COL6A5: variants seen among roughly 807,000 people sequenced by gnomAD.
COL6A5 encodes collagen type VI alpha 5 chain, also known as collagen alpha-5(VI) chain.
COL6A5 carries 48 observed loss-of-function variants against 65.6 expected under a neutral mutation model. The observed-to-expected ratio is 0.73, with a 90% CI of 0.58 to 0.93. COL6A5 has a LOEUF of 0.93. Ranked by LOEUF, COL6A5 falls within the 40% of genes least tolerant of loss-of-function variation. The pLI, the probability that COL6A5 is intolerant of heterozygous loss-of-function variation, is 0.00. For missense variants in COL6A5, 914 were observed against 928.3 expected (o/e 0.98, Z 0.20); for synonymous variants, 291 against 322.8 (o/e 0.90, Z 1.05).
intron 4 of COL6A5, among the ~76,000 whole-genome samples, chr3:130,453,391 G>A (rs1273731628): frequency 6.6e-6 from 1 of 152,114 alleles, no homozygotes; most frequent in Non-Finnish European, 1.5e-5. Flanking sequence ...TGGGGTCCCT[G>A]ACTTCCCGCA....
chr3:130,397,872 C>T (rs371625934), exon 9 of COL6A5: 9 of 1,551,584 alleles, frequency 5.8e-6, no homozygotes, highest in East Asian at 2.4e-5. Context: ...ACGCACAGTT[C>T]TTGCGGTCTC....
intron 7 of COL6A5, chr3:130,477,405 G>T (rs188263018): frequency 1.4e-5 from 3 of 213,550 alleles, no homozygotes; most frequent in Admixed American, 5.7e-5. Flanking sequence ...CTTTTCACCT[G>T]TCCATTTGTT....
At chr3:130,444,127 C>T (rs2107706333) in intron 4 of COL6A5, among the ~76,000 whole-genome samples, 1 of 152,270 alleles carries the variant, frequency 6.6e-6, no homozygotes, top group Non-Finnish European at 1.5e-5. Flanking sequence ...TGTTTTCCAC[C>T]CGGCTCACCA....
exon 8 of COL6A5, chr3:130,394,892 T>C (rs753714383): frequency 1.1e-4 from 169 of 1,545,630 alleles, no homozygotes; most frequent in Non-Finnish European, 1.4e-4. Flanking sequence ...TATTGCAGTC[T>C]GTCATCTTCA....
chr3:130,431,253 A>G, upstream of COL6A5: 1 of 696,604 alleles, frequency 1.4e-6, no homozygotes, highest in Non-Finnish European at 2.6e-6. Flanking sequence ...AGCATTATAT[A>G]GCCAAATATT....
intron 12 of COL6A5, among the ~76,000 whole-genome samples, chr3:130,402,902 C>A (rs921080389): frequency 3.3e-5 from 5 of 152,172 alleles, no homozygotes; most frequent in African/African-American, 1.2e-4. Flanking sequence ...AATACTTGCT[C>A]ATGAGTTCTG....
chr3:130,411,563 T>G (rs1324183784), intron 20 of COL6A5, among the ~76,000 whole-genome samples: 1 of 152,154 alleles, frequency 6.6e-6, no homozygotes, highest in Non-Finnish European at 1.5e-5. Context: ...CTGGTAAAAT[T>G]CTTTGGGACT....
rs544626191 is a variant in COL6A5, at chr3:130,422,173, G to A, written c.5038-547G>A. On this transcript the variant is annotated intron_variant and NMD_transcript_variant, in intron 27 of 41. Transcript: ENST00000312481. ...AAGAGATTCTTAAGTACAAAAGGGT[G>A]CAAAAGGGACAATATAAATCACCAT... is the stretch of plus-strand genomic sequence containing the variant. Among the ~76,000 whole-genome samples, 21 of 152,144 alleles carry A rather than the reference G, an allele frequency of 1.4e-4. No homozygotes were observed. The South Asian group carries it at 4.1e-3, about 30-fold the overall frequency.
intron 7 of COL6A5, among the ~76,000 whole-genome samples, chr3:130,483,079 G>C (rs3104297): frequency 0.75 from 113,834 of 152,002 alleles, 44,746 homozygotes; most frequent in Non-Finnish European, 0.88. Context: ...ATTCAACATT[G>C]TTAAAGAAAA....
In COL6A5 at chr3:130,408,613, C is replaced by T. The variant is rs538936405; in HGVS notation, c.4480-713C>T. On this transcript the variant is annotated intron_variant and NMD_transcript_variant, in intron 17 of 41. Transcript: ENST00000312481. ...AGCATATGATCTCTGTGACCCACTC[C>T]CTATTCGTACACCACTCCCCTTTTG... Among the ~76,000 whole-genome samples the T allele has an allele frequency of 4.7e-4, 71 of 152,158 alleles. 1 individual carries two copies. The highest frequency in any genetic ancestry group is 3.4e-3 in the Middle Eastern group (1 of 294).
chr3:130,455,671 G>A lies in COL6A5; in HGVS notation c.1544+5G>A, dbSNP rs774033695. 6.3e-7 allele frequency: 1 copy of A among 1,594,690 alleles called. No individual in the cohort carries two copies. Among genetic ancestry groups the A allele is most frequent in the South Asian group, 1.1e-5 (1 of 90,446 alleles). ...AAATTGCAAGTCTCACTTCTGGTAA[G>A]AAAATGAAAAGTCATGATGGAAATG... On this transcript the variant is annotated splice_donor_5th_base_variant and intron_variant, in intron 5 of 7. Transcript: ENST00000512836.
At chr3:130,369,163 A>G (rs1269435972) in intron 1 of COL6A5, among the ~76,000 whole-genome samples, 1 of 152,182 alleles carries the variant, frequency 6.6e-6, no homozygotes, top group Non-Finnish European at 1.5e-5. Flanking sequence ...AGTGTAGAGG[A>G]CAGAGGGGAG....
rs1419697297 is a variant in COL6A5, at chr3:130,414,094, C to T, written c.4724C>T (p.Thr1575Ile). 1 of 1,550,872 alleles carries T rather than the reference C, an allele frequency of 6.4e-7. No individual in the cohort carries two copies. The highest frequency in any genetic ancestry group is 2.0e-5 in the Admixed American group (1 of 50,990). Residue 1575 changes from threonine to isoleucine, a missense_variant and NMD_transcript_variant, in exon 22 of 42, where the codon ACA becomes ATA. Coordinates refer to the COL6A5 transcript ENST00000312481. The stretch of plus-strand genomic sequence containing the variant: ...GGAGAACCAGGAAATCCTGGACCTA[C>T]AGGCACATTGGGAGCTGAAGGATTA...
intron 11 of COL6A5, among the ~76,000 whole-genome samples, chr3:130,401,399 A>G (rs1170572282): frequency 6.6e-6 from 1 of 152,242 alleles, no homozygotes; most frequent in African/African-American, 2.4e-5. Context: ...TAAAAAACCA[A>G]CCAACTCATA....
intron 23 of COL6A5, 56 bp from the exon 24 acceptor site, chr3:130,416,700 TG>T: frequency 1.0e-6 from 1 of 964,464 alleles, no homozygotes; most frequent in Non-Finnish European, 1.6e-6. Flanking sequence ...ATGTTTCTAA[TG>T]GGCTTTCTAA....
Position 130,471,666 on chromosome 3 carries a change from T to C in COL6A5, c.2328+699T>C, listed in dbSNP as rs1215306835. The C allele has an allele frequency of 2.0e-6, 3 of 1,531,344 alleles. No homozygotes were observed. In the African/African-American group the frequency reaches 4.1e-5, roughly 21 times the overall value. 94.9% of individuals were successfully genotyped at this position (1,531,344 alleles called of 1,614,324 possible). A position where few individuals can be genotyped will look rare whatever the true frequency, so the allele number is the denominator to read the frequency against. ...TTGGCTAACTAATTTTTTATCTCTC[T>C]TCTCTATTACCTCAGACTTCTTCCT... is the stretch of plus-strand genomic sequence containing the variant. On this transcript the variant is annotated intron_variant, in intron 7 of 7. Coordinates refer to ENST00000512836, the Ensembl canonical transcript of COL6A5.
In COL6A5 at chr3:130,403,589, T is replaced by C; in HGVS notation, c.4228-20T>C. On this transcript the variant is annotated intron_variant and NMD_transcript_variant, in intron 12 of 41. Coordinates refer to the COL6A5 transcript ENST00000312481. ...TTGGGGGGGGGTGACTAAAATGTAT[T>C]GTTCTCTCTTTCTTCCCAGGGTTCT... The C allele has an allele frequency of 1.3e-6, 2 of 1,549,130 alleles. No individual in the cohort carries two copies. Among genetic ancestry groups the C allele is most frequent in the Non-Finnish European group, 1.7e-6 (2 of 1,145,116 alleles).
chr3:130,465,148 G>A (rs1417389499), intron 5 of COL6A5, among the ~76,000 whole-genome samples: 2 of 152,078 alleles, frequency 1.3e-5, no homozygotes, highest in Non-Finnish European at 2.9e-5. Flanking sequence ...AGTGTTTTCA[G>A]GACATGGTAC....
intron 4 of COL6A5, among the ~76,000 whole-genome samples, chr3:130,383,042 T>C (rs1936061568): frequency 6.6e-6 from 1 of 152,056 alleles, no homozygotes; most frequent in African/African-American, 2.4e-5. Context: ...AGCATCCAAT[T>C]GGGCAGATGT....
Sources: allele counts gnomAD v4.1 joint callset (sites outside exome capture counted in the v4.1 genomes callset), GRCh38; gene constraint gnomAD v4.1.1; transcripts MANE v1.5; gene names NCBI Gene and HGNC (gene_info 2026-07-23, HGNC 2026-07-21).